HACD1: variants seen among roughly 807,000 people sequenced by gnomAD.
HACD1 encodes the protein 3-hydroxyacyl-CoA dehydratase 1, also known as very-long-chain (3R)-3-hydroxyacyl-CoA dehydratase 1.
HACD1 carries 41 observed loss-of-function variants against 32.0 expected under a neutral mutation model. The ratio of observed to expected loss-of-function variants is 1.28; its 90% CI spans 1.00 to 1.66. The LOEUF (loss-of-function observed/expected upper bound fraction) is 1.66. HACD1 is among the 40% of genes most tolerant of loss of function. The pLI is 0.00. For missense variants in HACD1, 396 were observed against 380.1 expected (o/e 1.04, Z -0.35); for synonymous variants, 142 against 139.0 (o/e 1.02, Z -0.15).
chr10:17,597,300 C>T (rs115710155), intron 5 of HACD1, among the ~76,000 whole-genome samples: 188 of 152,202 alleles, frequency 1.2e-3, no homozygotes, highest in African/African-American at 4.4e-3. Flanking sequence ...GCACATGTGG[C>T]TAATTTTTTA....
At chr10:17,593,530 G>A (rs1373628505) in intron 6 of HACD1, among the ~76,000 whole-genome samples, 1 of 152,170 alleles carries the variant, frequency 6.6e-6, no homozygotes, top group Non-Finnish European at 1.5e-5. Context: ...GGCCAGCCTG[G>A]TCTCGAACTC....
intron 4 of HACD1, chr10:17,602,817 C>T (rs1179798341): frequency 2.6e-5 from 4 of 152,026 alleles, no homozygotes; most frequent in South Asian, 2.1e-4. Context: ...CAGTCTTTTC[C>T]GTTTGTTCAG....
chr10:17,614,289 TA>T (rs1417897147), intron 1 of HACD1, among the ~76,000 whole-genome samples: 4 of 152,206 alleles, frequency 2.6e-5, no homozygotes, highest in Admixed American at 6.5e-5. Context: ...ATTATTGTTT[TA>T]TTTTTTTGTG....
intron 1 of HACD1, among the ~76,000 whole-genome samples, chr10:17,609,603 A>C (rs1029662871): frequency 2.0e-5 from 3 of 152,216 alleles, no homozygotes; most frequent in Admixed American, 6.5e-5. Flanking sequence ...GAATGTCTAA[A>C]ATTACAATGA....
chr10:17,615,240 G>A, intron 1 of HACD1, among the ~76,000 whole-genome samples: 1 of 152,212 alleles, frequency 6.6e-6, no homozygotes, highest in Non-Finnish European at 1.5e-5. Context: ...GAGAGTCCGG[G>A]TTGAAACCCA....
At chr10:17,608,674 A>C (rs1834183123) in intron 1 of HACD1, among the ~76,000 whole-genome samples, 1 of 151,906 alleles carries the variant, frequency 6.6e-6, no homozygotes, top group Admixed American at 6.6e-5. Flanking sequence ...TTTAGTAGAG[A>C]TGGGGTTTCA....
intron 1 of HACD1, among the ~76,000 whole-genome samples, chr10:17,609,847 G>A (rs927613243): frequency 1.2e-4 from 18 of 151,970 alleles, no homozygotes; most frequent in African/African-American, 3.9e-4. Context: ...AGCCAGGCAT[G>A]GTGGTGCACG....
intron 1 of HACD1, among the ~76,000 whole-genome samples, chr10:17,612,425 T>C (rs1220589406): frequency 1.3e-5 from 2 of 152,192 alleles, no homozygotes; most frequent in African/African-American, 4.8e-5. Flanking sequence ...CAAATATTTA[T>C]TGAGTACTTC....
chr10:17,599,131 C>A, intron 5 of HACD1, 159 bp downstream of exon 5: 1 of 1,241,384 alleles, frequency 8.1e-7, no homozygotes, highest in Non-Finnish European at 1.0e-6. Flanking sequence ...TTTTAGAATA[C>A]AAATCATAAC....
At chr10:17,603,350 G>C (rs980548262) in intron 4 of HACD1, 3 of 475,222 alleles carry the variant, frequency 6.3e-6, no homozygotes, top group Non-Finnish European at 1.1e-5. Flanking sequence ...AATATATTAC[G>C]GATCTAAGAT....
chr10:17,600,521 T>C (rs1834055223), intron 4 of HACD1, among the ~76,000 whole-genome samples: 1 of 152,066 alleles, frequency 6.6e-6, no homozygotes, highest in Non-Finnish European at 1.5e-5. Context: ...AGACGGGGTT[T>C]CACCGTGTTG....
At chr10:17,614,969 T>C (rs1408653018) in intron 1 of HACD1, among the ~76,000 whole-genome samples, 3 of 151,980 alleles carry the variant, frequency 2.0e-5, no homozygotes, top group African/African-American at 4.8e-5. Flanking sequence ...AGCCAAGATG[T>C]TCTCGATCTC....
chr10:17,606,536 T>G (rs886664886), intron 1 of HACD1, among the ~76,000 whole-genome samples: 3 of 152,202 alleles, frequency 2.0e-5, no homozygotes, highest in African/African-American at 7.2e-5. Context: ...AATATAAAAT[T>G]ATCATGCAGT....
chr10:17,605,647 T>A (rs1834135685), intron 1 of HACD1, among the ~76,000 whole-genome samples: 1 of 150,764 alleles, frequency 6.6e-6, no homozygotes, highest in Non-Finnish European at 1.5e-5. Context: ...AAAAGGTTGT[T>A]TAAAAAAAAA....
intron 5 of HACD1, among the ~76,000 whole-genome samples, chr10:17,597,686 C>G (rs1340064306): frequency 6.6e-6 from 1 of 151,538 alleles, no homozygotes; most frequent in African/African-American, 2.4e-5. Flanking sequence ...GCCAGAGGTC[C>G]AGAACATTGT....
At chr10:17,616,982 A>G in intron 1 of HACD1, 101 bp downstream of exon 1, 1 of 1,145,838 alleles carries the variant, frequency 8.7e-7, no homozygotes, top group South Asian at 3.2e-5. Context: ...CGCTGCCCGC[A>G]CCCCCCGCGC....
At position 17,603,958 on chromosome 10, in the gene HACD1, T is replaced by G. The variant is rs1554816815; in HGVS notation, c.347A>C (p.Lys116Thr). ...AAGCAAGGCAAATGTCTGGAAAAATTTAAGTGTCTTCTGAATACTTTTATA... is the reference window on the plus strand; with the variant it reads ...AAGCAAGGCAAATGTCTGGAAAAATGTAAGTGTCTTCTGAATACTTTTATA... ...GLYKSIQKTL[K>T]FFQTFALLEI... is the part of the protein sequence containing the mutation. Residue 116 changes from lysine (K) to threonine (T), a missense_variant, in exon 2 of 7, where the codon AAA becomes ACA. By Grantham distance (78) the Lys-to-Thr change is moderately conservative. Coordinates refer to ENST00000361271, the MANE Select transcript of HACD1 (RefSeq NM_014241.4). 4 of 1,611,016 alleles carry G rather than the reference T, an allele frequency of 2.5e-6. No individual in the cohort carries two copies. The highest frequency in any genetic ancestry group is 4.5e-5 in the East Asian group (2 of 44,846).
At chr10:17,604,902 C>T (rs1262860116) in intron 1 of HACD1, among the ~76,000 whole-genome samples, 3 of 152,066 alleles carry the variant, frequency 2.0e-5, no homozygotes, top group Admixed American at 1.3e-4. Flanking sequence ...TATGGGTTTT[C>T]GCCATGTTGC....
intron 1 of HACD1, among the ~76,000 whole-genome samples, chr10:17,613,932 G>T (rs17141421): frequency 0.095 from 14,412 of 152,282 alleles, 861 homozygotes; most frequent in Admixed American, 0.17. Context: ...AATGCAAGTT[G>T]ACTGGAAAGG....
Sources: allele counts gnomAD v4.1 joint callset (sites outside exome capture counted in the v4.1 genomes callset), GRCh38; gene constraint gnomAD v4.1.1; transcripts MANE v1.5; gene names NCBI Gene and HGNC (gene_info 2026-07-23, HGNC 2026-07-21).